Variants in MINDY4 observed in about 807,000 individuals in gnomAD.
MINDY4 encodes MINDY lysine 48 deubiquitinase 4.
In MINDY4, 68 loss-of-function variants were observed where a neutral mutation model predicts 87.0. The ratio of observed to expected loss-of-function variants is 0.78; its 90% confidence interval spans 0.64 to 0.96. The LOEUF is 0.96. MINDY4 is among the 40% of genes least tolerant of loss of function. The pLI is 0.00. For synonymous variants in MINDY4, 379 were observed against 363.2 expected (o/e 1.04, Z -0.50); for missense variants, 919 against 928.2 (o/e 0.99, Z 0.13).
At chr7:30,885,195 A>C (rs937868717) in intron 17 of MINDY4, among the ~76,000 whole-genome samples, 2 of 152,222 alleles carry the variant, frequency 1.3e-5, no homozygotes, top group African/African-American at 4.8e-5. Context: ...GCTCCAGAGC[A>C]GTGGCCTTCA....
chr7:30,844,402 C>T (rs1789140268), intron 9 of MINDY4, among the ~76,000 whole-genome samples: 1 of 152,148 alleles, frequency 6.6e-6, no homozygotes, highest in African/African-American at 2.4e-5. Context: ...GGGCCCTGGG[C>T]AGCAGGCACC....
chr7:30,822,660 C>G (rs1307690352), intron 5 of MINDY4, among the ~76,000 whole-genome samples: 1 of 82,404 alleles, frequency 1.2e-5, no homozygotes, highest in African/African-American at 1.0e-4. Flanking sequence ...TATTTTCAGA[C>G]AAGGTTTCAC....
intron 5 of MINDY4, among the ~76,000 whole-genome samples, chr7:30,802,447 C>T (rs1279357921): frequency 6.6e-6 from 1 of 152,064 alleles, no homozygotes; most frequent in East Asian, 1.9e-4. Context: ...GGACAACCCT[C>T]AGTATAGAAC....
intron 7 of MINDY4, 97 bp from the exon 8 acceptor site, chr7:30,839,103 A>G: frequency 1.4e-6 from 1 of 738,100 alleles, no homozygotes; most frequent in Non-Finnish European, 2.2e-6. Context: ...CTTCCCTGCT[A>G]GAATTCAAGA....
Position 30,866,001 on chromosome 7 carries a change from G to T in MINDY4, c.1746-6242G>T, listed in dbSNP as rs80293688. Among the ~76,000 whole-genome samples, 740 of 152,354 alleles carry T rather than the reference G, an allele frequency of 4.9e-3. 8 individuals are homozygous for T. Among genetic ancestry groups the T allele is most frequent in the Middle Eastern group, 0.048 (14 of 294 alleles). On this transcript the variant is annotated intron_variant, in intron 13 of 17. Transcript: ENST00000265299. The stretch of plus-strand genomic sequence containing the variant: ...TGTCCTCTCGCAGTGCAGCTGGCAT[G>T]GGCTGGGCTAAAGCAAGCCAACTGT...
At chr7:30,862,603 C>T (rs1191765507) in intron 13 of MINDY4, among the ~76,000 whole-genome samples, 1 of 152,218 alleles carries the variant, frequency 6.6e-6, no homozygotes, top group Admixed American at 6.5e-5. Context: ...CGGGGCTAGC[C>T]GCTGGCAAAG....
In MINDY4 at chr7:30,859,383, G is replaced by A. The variant is rs371734027; in HGVS notation, c.1745+59G>A. 8.0e-6 allele frequency: 12 copies of A among 1,497,734 alleles called. No homozygotes were observed. In the African/African-American group the frequency reaches 1.5e-4, roughly 19 times the overall value. 92.8% of individuals were successfully genotyped at this position (1,497,734 alleles called of 1,614,324 possible). A position where few individuals can be genotyped will look rare whatever the true frequency, so the allele number is the denominator to read the frequency against. ...GGGCTGGTCTGTCTTGTTCACTGCT[G>A]CCTCGCTAGAGCCCAGGATGGTGCT... On this transcript the variant is annotated intron_variant, in intron 13 of 17. Transcript: ENST00000265299.
In MINDY4 at chr7:30,791,567, C is replaced by T. The variant is rs1787324103; in HGVS notation, c.1066C>T (p.Pro356Ser). The T allele has an allele frequency of 1.2e-6, 2 of 1,610,186 alleles. No homozygotes were observed. Among genetic ancestry groups the T allele is most frequent in the Non-Finnish European group, 1.7e-6 (2 of 1,178,078 alleles). The change falls in exon 5 of 18, where the codon CCT becomes TCT. Residue 356 changes from proline (P) to serine (S), a missense_variant. Transcript: ENST00000265299. The part of the protein sequence containing the change: ...AFKRQGSQPA[P>S]VRKNQLLPSD... Reference sequence around the variant, plus strand: ...CAAACGGCAGGGCAGCCAGCCCGCACCTGTCAGGTGAGTGTGCTATGCAAA... The same window carrying T: ...CAAACGGCAGGGCAGCCAGCCCGCATCTGTCAGGTGAGTGTGCTATGCAAA...
chr7:30,774,147 G>C (rs1300798388), intron 1 of MINDY4, among the ~76,000 whole-genome samples: 5 of 152,196 alleles, frequency 3.3e-5, no homozygotes, highest in Admixed American at 1.3e-4. Flanking sequence ...TACCCTCTGA[G>C]ACCCTGGATG....
At chr7:30,863,133 T>C (rs971782844) in intron 13 of MINDY4, among the ~76,000 whole-genome samples, 24 of 152,162 alleles carry the variant, frequency 1.6e-4, no homozygotes, top group Non-Finnish European at 8.8e-5. Context: ...GGCCTTCCTG[T>C]TCTGGGGTTC....
At chr7:30,847,570 T>A (rs1789262168) in intron 9 of MINDY4, among the ~76,000 whole-genome samples, 1 of 152,220 alleles carries the variant, frequency 6.6e-6, no homozygotes, top group African/African-American at 2.4e-5. Flanking sequence ...TAAATCACTG[T>A]GTCTCCATGC....
At chr7:30,786,911 A>G (rs1182418960) in intron 4 of MINDY4, among the ~76,000 whole-genome samples, 4 of 152,230 alleles carry the variant, frequency 2.6e-5, no homozygotes, top group Non-Finnish European at 5.9e-5. Context: ...ACAAAAGCAA[A>G]CACCAAACTC....
In MINDY4 at chr7:30,782,223, C is replaced by T. The variant is rs1174970556; in HGVS notation, c.419+11C>T. 1 of 1,599,930 alleles carries T rather than the reference C, an allele frequency of 6.3e-7. No individual in the cohort carries two copies. Among genetic ancestry groups the T allele is most frequent in the Non-Finnish European group, 8.5e-7 (1 of 1,170,426 alleles). ...AACAAGCAAAGCCAGGTATCTTTTC[C>T]CATTATTATGTTTATTAGTTTCCTA... On this transcript the variant is annotated intron_variant, in intron 3 of 17. Transcript: ENST00000265299.
intron 4 of MINDY4, among the ~76,000 whole-genome samples, chr7:30,790,057 A>G (rs900184756): frequency 6.6e-6 from 1 of 152,168 alleles, no homozygotes; most frequent in Non-Finnish European, 1.5e-5. Context: ...GCACAGGGCA[A>G]ATACGCATAG....
At chr7:30,808,034 A>G (rs1787866158) in intron 5 of MINDY4, among the ~76,000 whole-genome samples, 1 of 152,192 alleles carries the variant, frequency 6.6e-6, no homozygotes, top group Non-Finnish European at 1.5e-5. Context: ...TGATTAATGG[A>G]CGGTCAAGGC....
At chr7:30,843,630 A>ACCC (rs1315362173) in intron 9 of MINDY4, among the ~76,000 whole-genome samples, 1 of 139,768 alleles carries the variant, frequency 7.2e-6, no homozygotes, top group Non-Finnish European at 1.5e-5. Context: ...GTGGAAGCCC[A>ACCC]CTGCTGTCCA....
chr7:30,839,894 A>G (rs968618416), intron 8 of MINDY4, among the ~76,000 whole-genome samples: 1 of 152,150 alleles, frequency 6.6e-6, no homozygotes, highest in African/African-American at 2.4e-5. Context: ...CATTATACTC[A>G]TGGGCAGAAA....
At chr7:30,781,442 G>A (rs977219671) in intron 2 of MINDY4, 1 of 152,322 alleles carries the variant, frequency 6.6e-6, no homozygotes, top group Non-Finnish European at 1.5e-5. Context: ...TGTTTTTAAG[G>A]TTGGGGTGTA....
intron 12 of MINDY4, among the ~76,000 whole-genome samples, chr7:30,855,752 G>A (rs1226012504): frequency 7.9e-5 from 12 of 152,220 alleles, no homozygotes; most frequent in African/African-American, 2.4e-5. Flanking sequence ...GTTCCAGGGC[G>A]AGGGGGCCTC....
Sources: allele counts gnomAD v4.1 joint callset (sites outside exome capture counted in the v4.1 genomes callset), GRCh38; gene constraint gnomAD v4.1.1; transcripts MANE v1.5; gene names NCBI Gene and HGNC (gene_info 2026-07-23, HGNC 2026-07-21).